The following KCNAB1 variants were observed in gnomAD, a reference collection of about 807,000 sequenced individuals.
KCNAB1 encodes voltage-gated potassium channel subunit beta-1.
Under a neutral mutation model 64.6 loss-of-function variants are expected in KCNAB1, and 35 were observed. The observed-to-expected ratio is 0.54, with a 90% CI of 0.41 to 0.72. KCNAB1 has a LOEUF of 0.72. Among genes scored for constraint, KCNAB1 ranks in the 30% least tolerant of loss-of-function variants. The pLI is 0.00. For missense variants in KCNAB1, 401 were observed against 512.9 expected (o/e 0.78, Z 2.11); for synonymous variants, 177 against 183.8 (o/e 0.96, Z 0.30).
At chr3:156,442,790 C>T (rs953112159) in intron 2 of KCNAB1, among the ~76,000 whole-genome samples, 23 of 152,172 alleles carry the variant, frequency 1.5e-4, no homozygotes, top group Admixed American at 1.2e-3. Flanking sequence ...AATCACATCT[C>T]ATTGTTGCCC....
rs374765011 is a variant in KCNAB1 at position 156,316,395 on chromosome 3, A to C, written c.276-105221A>C. 1.8e-4 allele frequency among the ~76,000 whole-genome samples: 27 copies of C among 152,354 alleles called. No individual in the cohort carries two copies. In the South Asian group the frequency reaches 5.4e-3, roughly 30 times the overall value. ...TTGGTTAAGAGCCTGGGCTGAGGGAAGATCTAAGATCAAATCTTGACTCTA... is the reference window on the plus strand; with the variant it reads ...TTGGTTAAGAGCCTGGGCTGAGGGACGATCTAAGATCAAATCTTGACTCTA... On this transcript the variant is annotated intron_variant, in intron 1 of 13. Transcript: ENST00000490337.
intron 1 of KCNAB1, among the ~76,000 whole-genome samples, chr3:156,181,312 G>A (rs919022221): frequency 2.6e-5 from 4 of 152,184 alleles, no homozygotes; most frequent in African/African-American, 9.6e-5. Flanking sequence ...GAGGTTAGAA[G>A]GGAGCAGCGT....
At chr3:156,273,592 G>T (rs1719163868) in intron 1 of KCNAB1, 1 of 456,656 alleles carries the variant, frequency 2.2e-6, no homozygotes, top group Non-Finnish European at 4.4e-6. Context: ...CTGCTGTGGG[G>T]TGGGAGAAGG....
chr3:156,239,609 C>A (rs796123806), intron 1 of KCNAB1, among the ~76,000 whole-genome samples: 3 of 152,320 alleles, frequency 2.0e-5, no homozygotes, highest in African/African-American at 7.2e-5. Flanking sequence ...GAATGTCCAA[C>A]CAGTAGCACC....
intron 1 of KCNAB1, among the ~76,000 whole-genome samples, chr3:156,278,303 A>G (rs1719470502): frequency 6.6e-6 from 1 of 152,152 alleles, no homozygotes; most frequent in South Asian, 2.1e-4. Flanking sequence ...TCTCCATCCC[A>G]TCATGCGAGG....
chr3:156,322,528 T>C (rs1194694319), intron 1 of KCNAB1, among the ~76,000 whole-genome samples: 2 of 152,188 alleles, frequency 1.3e-5, no homozygotes, highest in Non-Finnish European at 2.9e-5. Context: ...TCAGAGACTA[T>C]TTAAAGTATA....
chr3:156,519,323 T>A (rs1029150945), intron 11 of KCNAB1, among the ~76,000 whole-genome samples: 1 of 152,206 alleles, frequency 6.6e-6, no homozygotes, highest in Non-Finnish European at 1.5e-5. Context: ...TCCCTTGGGA[T>A]CTAAGTTGAG....
chr3:156,159,710 T>C (rs539036035), intron 1 of KCNAB1, among the ~76,000 whole-genome samples: 1 of 152,304 alleles, frequency 6.6e-6, no homozygotes, highest in South Asian at 2.1e-4. Context: ...ATTTTACAAG[T>C]AAGTTTTCTG....
chr3:156,194,954 G>C (rs1315272435), intron 1 of KCNAB1, among the ~76,000 whole-genome samples: 1 of 151,550 alleles, frequency 6.6e-6, no homozygotes, highest in Non-Finnish European at 1.5e-5. Flanking sequence ...ACCCCCAACA[G>C]GCCCGGGTAT....
At chr3:156,472,124 C>G (rs1042237073) in intron 7 of KCNAB1, among the ~76,000 whole-genome samples, 3 of 151,974 alleles carry the variant, frequency 2.0e-5, no homozygotes, top group Admixed American at 2.0e-4. Context: ...GTTGGCTTTC[C>G]CCCTGACTGC....
chr3:156,222,205 G>A (rs949869575), intron 1 of KCNAB1, among the ~76,000 whole-genome samples: 4 of 152,118 alleles, frequency 2.6e-5, no homozygotes, highest in South Asian at 2.1e-4. Flanking sequence ...GAGGACTCAC[G>A]TAAACTTAAG....
At chr3:156,225,401 G>A (rs1033132439) in intron 1 of KCNAB1, among the ~76,000 whole-genome samples, 2 of 152,084 alleles carry the variant, frequency 1.3e-5, no homozygotes, top group African/African-American at 2.4e-5. Flanking sequence ...CAGCAAAATC[G>A]GCATAGAAGG....
chr3:156,153,310 C>A (rs982106366), intron 1 of KCNAB1, among the ~76,000 whole-genome samples: 3 of 152,134 alleles, frequency 2.0e-5, no homozygotes, highest in Non-Finnish European at 2.9e-5. Flanking sequence ...GGAAATAGGT[C>A]CTTAAATCTT....
intron 1 of KCNAB1, among the ~76,000 whole-genome samples, chr3:156,136,128 C>T (rs1714333293): frequency 6.6e-6 from 1 of 152,222 alleles, no homozygotes; most frequent in Non-Finnish European, 1.5e-5. Context: ...GCACAATCCA[C>T]ATGGGTTAAA....
intron 1 of KCNAB1, among the ~76,000 whole-genome samples, chr3:156,166,592 A>G (rs1711584771): frequency 6.6e-6 from 1 of 152,088 alleles, no homozygotes; most frequent in Non-Finnish European, 1.5e-5. Context: ...AACAGTCCTT[A>G]TTCATGAATA....
At chr3:156,520,669 T>G (rs940575045) in intron 11 of KCNAB1, among the ~76,000 whole-genome samples, 1 of 152,190 alleles carries the variant, frequency 6.6e-6, no homozygotes, top group East Asian at 1.9e-4. Flanking sequence ...AGAGGGGTGG[T>G]CCAAGTACAT....
Position 156,162,475 on chromosome 3 carries a change from G to A in KCNAB1, c.275+41589G>A, listed in dbSNP as rs542877010. 2.0e-5 allele frequency among the ~76,000 whole-genome samples: 3 copies of A among 152,196 alleles called. No individual in the cohort carries two copies. The South Asian group carries it at 6.2e-4, about 32-fold the overall frequency. On this transcript the variant is annotated intron_variant, in intron 1 of 13. Coordinates refer to ENST00000490337, the MANE Select transcript of KCNAB1 (RefSeq NM_172160.3). ...GCCACCAGTCTCCTTACTCCTGATG[G>A]TCTTGAGAGAACAGTTGTCTTATTT... is the stretch of plus-strand genomic sequence containing the variant.
chr3:156,475,140 A>T (rs566845160), intron 8 of KCNAB1, among the ~76,000 whole-genome samples: 1 of 152,314 alleles, frequency 6.6e-6, no homozygotes, highest in Non-Finnish European at 1.5e-5. Flanking sequence ...GGGGCTTTAT[A>T]ACTCAGCCAT....
chr3:156,278,179 G>A (rs1719460563), intron 1 of KCNAB1, among the ~76,000 whole-genome samples: 1 of 152,188 alleles, frequency 6.6e-6, no homozygotes, highest in Admixed American at 6.5e-5. Context: ...ATGAGATAAA[G>A]AGACATGTAA....
Sources: gnomAD v4.1 joint callset for allele counts (sites outside exome capture counted in the v4.1 genomes callset) on GRCh38, gnomAD v4.1.1 for gene constraint, MANE v1.5 for transcripts, NCBI Gene and HGNC (gene_info 2026-07-23, HGNC 2026-07-21) for gene names.